MAGI2: variants seen among roughly 807,000 people sequenced by gnomAD.
MAGI2 encodes the protein membrane associated guanylate kinase, WW and PDZ domain containing 2.
MAGI2 carries 35 observed loss-of-function variants against 133.3 expected under a neutral mutation model. The observed-to-expected ratio is 0.26, with a 90% CI of 0.20 to 0.35. The LOEUF (loss-of-function observed/expected upper bound fraction) is 0.35, where lower values mean the gene tolerates loss of function less well. MAGI2 is among the 10% of genes least tolerant of loss of function. The pLI is 1.00. For missense variants in MAGI2, 1,636 were observed against 1,863.4 expected, an observed-to-expected ratio of 0.88 and a Z score of 2.25; for synonymous variants, 729 against 710.6, an observed-to-expected ratio of 1.03 and a Z score of -0.41.
chr7:79,300,673 G>C (rs1177676850), intron 1 of MAGI2, among the ~76,000 whole-genome samples: 1 of 152,166 alleles, frequency 6.6e-6, no homozygotes, highest in Admixed American at 6.5e-5. Flanking sequence ...CAAGCAGACT[G>C]TGGAGCAATT....
chr7:78,593,196 T>C (rs571462014), intron 3 of MAGI2, among the ~76,000 whole-genome samples: 31 of 151,470 alleles, frequency 2.0e-4, no homozygotes, highest in African/African-American at 7.0e-4. Flanking sequence ...ATCGAGACCA[T>C]CCTGGCTAAC....
chr7:78,915,750 G>T (rs1798746926), intron 2 of MAGI2, among the ~76,000 whole-genome samples: 1 of 149,886 alleles, frequency 6.7e-6, no homozygotes, highest in Non-Finnish European at 1.5e-5. Flanking sequence ...GAGTACACTT[G>T]TGCACCATAG....
At chr7:79,300,348 G>A (rs1456063726) in intron 1 of MAGI2, among the ~76,000 whole-genome samples, 1 of 152,166 alleles carries the variant, frequency 6.6e-6, no homozygotes, top group Non-Finnish European at 1.5e-5. Context: ...AAATCTTATT[G>A]GAAACTGGAG....
intron 9 of MAGI2, among the ~76,000 whole-genome samples, chr7:78,312,432 A>G (rs1201803919): frequency 6.6e-6 from 1 of 152,184 alleles, no homozygotes; most frequent in African/African-American, 2.4e-5. Flanking sequence ...ATTTAGAAAT[A>G]ATCAACAGGC....
In MAGI2 at chr7:78,032,340, G is replaced by A. The variant is rs547209206; in HGVS notation, c.3707-12364C>T. On this transcript the variant is annotated intron_variant, in intron 21 of 21. Transcript: ENST00000354212. ...AGCAATCCTCCTGCCTCAGCCTCCC[G>A]AGTAGCTGGGATTACAGGTATGCGC... Among the ~76,000 whole-genome samples, 61 of 152,090 alleles carry A rather than the reference G, an allele frequency of 4.0e-4. 1 individual carries two copies. The highest frequency in any genetic ancestry group is 1.3e-3 in the African/African-American group (56 of 41,488).
At chr7:78,901,559 A>C (rs578163987) in intron 2 of MAGI2, 1 of 152,304 alleles carries the variant, frequency 6.6e-6, no homozygotes, top group African/African-American at 2.4e-5. Flanking sequence ...ATATTCAAGC[A>C]AGCACTTTGG....
chr7:78,990,695 TAGAA>T (rs1805672124), intron 2 of MAGI2, among the ~76,000 whole-genome samples: 1 of 151,994 alleles, frequency 6.6e-6, no homozygotes, highest in Non-Finnish European at 1.5e-5. Context: ...AAAATAATAA[TAGAA>T]AGGTACATTG....
chr7:78,455,472 C>T (rs987931972), intron 6 of MAGI2, among the ~76,000 whole-genome samples: 2 of 152,142 alleles, frequency 1.3e-5, no homozygotes, highest in African/African-American at 2.4e-5. Context: ...ATAAGACCAT[C>T]TTACTTCAGA....
chr7:78,729,358 GAC>G (rs1247121053), intron 2 of MAGI2, among the ~76,000 whole-genome samples: 7 of 152,154 alleles, frequency 4.6e-5, no homozygotes, highest in African/African-American at 7.2e-5. Context: ...TGGGATCAAA[GAC>G]AAACAGAAGA....
intron 2 of MAGI2, among the ~76,000 whole-genome samples, chr7:78,650,721 C>T (rs1811472176): frequency 6.6e-6 from 1 of 152,106 alleles, no homozygotes; most frequent in African/African-American, 2.4e-5. Context: ...TTTGTCCTCC[C>T]TTCACTAAGT....
chr7:78,425,989 A>G (rs1309415810), intron 6 of MAGI2, among the ~76,000 whole-genome samples: 1 of 152,248 alleles, frequency 6.6e-6, no homozygotes, highest in Non-Finnish European at 1.5e-5. Context: ...CCTGTAGTTA[A>G]GAGAAAAATC....
At chr7:79,036,195 G>A (rs529967224) in intron 1 of MAGI2, among the ~76,000 whole-genome samples, 43 of 152,270 alleles carry the variant, frequency 2.8e-4, no homozygotes, top group Non-Finnish European at 1.3e-4. Flanking sequence ...TAACTTTCAC[G>A]GATAGCATCT....
intron 2 of MAGI2, among the ~76,000 whole-genome samples, chr7:78,903,172 CTTTTTTTTTTTTTTTTTTTTTTTTT>C (rs10526268): frequency 5.5e-4 from 31 of 56,120 alleles, no homozygotes; most frequent in Non-Finnish European, 8.4e-4. Flanking sequence ...GTTCCTGAAT[CTTTTTTTTTTTTTTTTTTTTTTTTT>C]TTTTTTTTTT....
At chr7:78,077,245 A>G (rs954709144) in intron 21 of MAGI2, among the ~76,000 whole-genome samples, 2 of 152,214 alleles carry the variant, frequency 1.3e-5, no homozygotes, top group African/African-American at 4.8e-5. Flanking sequence ...TAAAGGTGGT[A>G]TGTTTTAGAA....
At chr7:78,375,832 T>G (rs1449540844) in intron 6 of MAGI2, among the ~76,000 whole-genome samples, 3 of 152,152 alleles carry the variant, frequency 2.0e-5, no homozygotes, top group Non-Finnish European at 4.4e-5. Context: ...CTAGTTGGTC[T>G]TTAGGAGTTT....
intron 10 of MAGI2, among the ~76,000 whole-genome samples, chr7:78,241,945 A>G (rs1791191350): frequency 6.6e-6 from 1 of 151,586 alleles, no homozygotes. Flanking sequence ...AAAAAAAAAA[A>G]AGATTTCACC....
intron 1 of MAGI2, among the ~76,000 whole-genome samples, chr7:79,407,300 T>C (rs981993995): frequency 6.6e-6 from 1 of 152,114 alleles, no homozygotes; most frequent in Non-Finnish European, 1.5e-5. Context: ...AAGAAAACCT[T>C]CACATGGCTA....
intron 1 of MAGI2, among the ~76,000 whole-genome samples, chr7:79,249,553 T>C (rs1442237739): frequency 6.6e-6 from 1 of 152,080 alleles, no homozygotes; most frequent in African/African-American, 2.4e-5. Context: ...ACCTAGAAAA[T>C]AGGATGAATT....
intron 16 of MAGI2, among the ~76,000 whole-genome samples, chr7:78,158,938 C>G (rs1824675813): frequency 6.6e-6 from 1 of 152,044 alleles, no homozygotes; most frequent in South Asian, 2.1e-4. Context: ...CTGACACCAC[C>G]CAGACCAGTA....
Sources: gnomAD v4.1 joint callset for allele counts (sites outside exome capture counted in the v4.1 genomes callset) on GRCh38, gnomAD v4.1.1 for gene constraint, MANE v1.5 for transcripts, NCBI Gene and HGNC (gene_info 2026-07-23, HGNC 2026-07-21) for gene names.